ARHGAP20: variants seen among roughly 807,000 people sequenced by gnomAD.
ARHGAP20 encodes the protein rho GTPase-activating protein 20.
ARHGAP20 carries 34 observed loss-of-function variants against 73.7 expected under a neutral mutation model. The observed-to-expected ratio is 0.46, with a 90% CI of 0.35 to 0.61. The LOEUF is 0.61. Among genes scored for constraint, ARHGAP20 ranks in the 20% least tolerant of loss-of-function variants. The probability of loss-of-function intolerance (pLI) is 0.00; values close to 1 mark genes in which losing one functional copy is unlikely to be tolerated. For synonymous variants in ARHGAP20, 523 were observed against 518.2 expected (o/e 1.01, Z -0.13); for missense variants, 1,314 against 1,420.9 (o/e 0.92, Z 1.21).
At chr11:110,690,970 A>C in intron 1 of ARHGAP20, 1 of 1,506,170 alleles carries the variant, frequency 6.6e-7, no homozygotes, top group Non-Finnish European at 8.9e-7. Context: ...GACATGGATT[A>C]CCTTATTTAT....
intron 1 of ARHGAP20, among the ~76,000 whole-genome samples, chr11:110,711,435 C>A (rs1023610020): frequency 7.9e-6 from 1 of 127,372 alleles, no homozygotes; most frequent in Admixed American, 9.5e-5. Context: ...CTGCTCGGTT[C>A]TAGGCCCAGC....
chr11:110,609,168 T>TCCC, intron 7 of ARHGAP20, 118 bp from the exon 8 acceptor site: 1 of 811,714 alleles, frequency 1.2e-6, no homozygotes, highest in Non-Finnish European at 2.0e-6. Flanking sequence ...CAGTGATAGT[T>TCCC]AGAGATCCAT....
chr11:110,621,946 C>T (rs780443317), intron 4 of ARHGAP20, among the ~76,000 whole-genome samples: 18 of 152,176 alleles, frequency 1.2e-4, no homozygotes, highest in Non-Finnish European at 2.5e-4. Flanking sequence ...TGATGAGTTG[C>T]GGCTCAGTTC....
At chr11:110,710,284 G>A (rs2135163151) in intron 1 of ARHGAP20, among the ~76,000 whole-genome samples, 1 of 152,238 alleles carries the variant, frequency 6.6e-6, no homozygotes, top group African/African-American at 2.4e-5. Context: ...CATAACAAAC[G>A]ACAGCATCTT....
intron 2 of ARHGAP20, among the ~76,000 whole-genome samples, chr11:110,631,419 G>C (rs1003181478): frequency 1.3e-5 from 2 of 152,168 alleles, no homozygotes; most frequent in African/African-American, 4.8e-5. Flanking sequence ...ACTGCAGGCT[G>C]AGACCTGTCA....
At chr11:110,684,838 T>C (rs1219249725) in intron 2 of ARHGAP20, among the ~76,000 whole-genome samples, 1 of 151,584 alleles carries the variant, frequency 6.6e-6, no homozygotes, top group Non-Finnish European at 1.5e-5. Context: ...AACCCAATAC[T>C]GTATGTTCTC....
intron 2 of ARHGAP20, among the ~76,000 whole-genome samples, chr11:110,680,977 T>C (rs1020313679): frequency 7.9e-5 from 12 of 152,150 alleles, no homozygotes; most frequent in African/African-American, 2.2e-4. Flanking sequence ...CTTTGAAAAA[T>C]GTTCCTTGCA....
In ARHGAP20 at chr11:110,609,344, G is replaced by T. The variant is rs548401105; in HGVS notation, c.709-294C>A. On this transcript the variant is annotated intron_variant, in intron 7 of 14. Transcript: ENST00000683387. The stretch of plus-strand genomic sequence containing the variant: ...TCCCTCCACTTCTCAGAGAATATTG[G>T]GCTTAACCTCCAACATGCCCCTGCA... Among the ~76,000 whole-genome samples the T allele has an allele frequency of 2.6e-5, 4 of 152,130 alleles. No homozygotes were observed. In the East Asian group the frequency reaches 7.7e-4, roughly 29 times the overall value.
In ARHGAP20 at chr11:110,691,442, C is replaced by T. The variant is rs559591289; in HGVS notation, c.106-813G>A. The stretch of plus-strand genomic sequence containing the variant: ...TCTTCTCACCCTATATCTCTATACC[C>T]TTTCATCCCATATCCCTCTCACCCT... On this transcript the variant is annotated intron_variant, in intron 1 of 14. Transcript: ENST00000683387. 2.0e-5 allele frequency among the ~76,000 whole-genome samples: 3 copies of T among 152,286 alleles called. No homozygotes were observed. The South Asian group carries it at 6.2e-4, about 32-fold the overall frequency.
intron 2 of ARHGAP20, among the ~76,000 whole-genome samples, chr11:110,648,254 A>AAT (rs562850481): frequency 2.4e-5 from 2 of 81,874 alleles, no homozygotes; most frequent in Admixed American, 1.2e-4. Context: ...TATATATGTA[A>AAT]ATATATATAT....
rs1454949321 is a variant in ARHGAP20 at position 110,581,016 on chromosome 11, A to C, written c.1930T>G (p.Ser644Ala). 1.2e-6 allele frequency: 2 copies of C among 1,614,046 alleles called. No individual in the cohort carries two copies. The highest frequency in any genetic ancestry group is 2.2e-5 in the East Asian group (1 of 44,888). Residue 644 changes from serine to alanine, a missense_variant, in exon 15 of 15, where the codon TCT becomes GCT. By Grantham distance (99) the Ser-to-Ala change is moderately conservative. Coordinates refer to ENST00000683387, the MANE Select transcript of ARHGAP20 (RefSeq NM_001384657.1). ...LTLSDFDLAHSKDEDVQMKRP... is the reference protein window; with the variant it reads ...LTLSDFDLAHAKDEDVQMKRP... ...TTCATTTGAACATCTTCATCTTTAGAATGGGCCAAGTCAAAGTCGCTTAGG... is the reference window on the plus strand; with the variant it reads ...TTCATTTGAACATCTTCATCTTTAGCATGGGCCAAGTCAAAGTCGCTTAGG...
chr11:110,677,831 C>T (rs1481220583), intron 2 of ARHGAP20, among the ~76,000 whole-genome samples: 1 of 152,006 alleles, frequency 6.6e-6, no homozygotes, highest in Non-Finnish European at 1.5e-5. Flanking sequence ...GATGGTTCCT[C>T]AAAAGATTAG....
At chr11:110,710,616 CTCCA>C (rs1950630809) in intron 1 of ARHGAP20, among the ~76,000 whole-genome samples, 1 of 152,204 alleles carries the variant, frequency 6.6e-6, no homozygotes, top group African/African-American at 2.4e-5. Context: ...CACACACTCC[CTCCA>C]TCTCCGAAGG....
chr11:110,608,887 G>A, intron 8 of ARHGAP20, 97 bp downstream of exon 8: 2 of 948,254 alleles, frequency 2.1e-6, no homozygotes, highest in South Asian at 3.2e-5. Context: ...ATATTTAATA[G>A]TATTTAAGCT....
intron 6 of ARHGAP20, among the ~76,000 whole-genome samples, chr11:110,612,713 T>A (rs1948397133): frequency 6.6e-6 from 1 of 152,238 alleles, no homozygotes; most frequent in Non-Finnish European, 1.5e-5. Context: ...TCATTATTTA[T>A]CCTTCCATTA....
intron 2 of ARHGAP20, among the ~76,000 whole-genome samples, chr11:110,676,018 T>G (rs192998755): frequency 4.3e-4 from 65 of 152,272 alleles, no homozygotes; most frequent in African/African-American, 1.4e-3. Context: ...TCACAACATT[T>G]TTGTAAGGAA....
intron 1 of ARHGAP20, among the ~76,000 whole-genome samples, chr11:110,703,352 G>GGC (rs1024269294): frequency 8.6e-5 from 13 of 151,970 alleles, no homozygotes; most frequent in African/African-American, 2.9e-4. Context: ...CAGAAGAATG[G>GGC]GCACTAGGCT....
rs77463873 is a variant in ARHGAP20, at chr11:110,617,824, C to A, written c.504-2230G>T. The stretch of plus-strand genomic sequence containing the variant: ...TCTGCGTTTTATAAATACTTAAACC[C>A]ATTAAAAAGACAGTAAGATCCAGGA... On this transcript the variant is annotated intron_variant, in intron 4 of 14. Coordinates refer to ENST00000683387, the MANE Select transcript of ARHGAP20 (RefSeq NM_001384657.1). Among the ~76,000 whole-genome samples, 591 of 152,092 alleles carry A rather than the reference C, an allele frequency of 3.9e-3. 9 individuals carry two copies. Among genetic ancestry groups the A allele is most frequent in the African/African-American group, 0.013 (522 of 41,466 alleles).
At position 110,586,250 on chromosome 11, in the gene ARHGAP20, C is replaced by A; in HGVS notation, c.1381G>T (p.Gly461Ter). 6.4e-7 allele frequency: 1 copy of A among 1,560,912 alleles called. No homozygotes were observed. Among genetic ancestry groups the A allele is most frequent in the Non-Finnish European group, 8.7e-7 (1 of 1,152,784 alleles). Reference protein sequence around the residue: ...YDHWVSVMDQGNDEEKINTVQ... With the variant: ...YDHWVSVMDQ ...GTATTTATTTTCTCTTCATCATTTCCTTGATCCATTACAGAGACCCAGTGA... is the reference window on the plus strand; with the variant it reads ...GTATTTATTTTCTCTTCATCATTTCATTGATCCATTACAGAGACCCAGTGA... The change falls in exon 12 of 15, where the codon GGA (glycine) becomes TGA (stop). Residue 461 changes from glycine (G) to a stop codon, truncating the protein, a stop_gained. Transcript: ENST00000683387. LOFTEE classifies it high-confidence loss of function.
Sources: gnomAD v4.1 joint callset for allele counts (sites outside exome capture counted in the v4.1 genomes callset) on GRCh38, gnomAD v4.1.1 for gene constraint, MANE v1.5 for transcripts, NCBI Gene and HGNC (gene_info 2026-07-23, HGNC 2026-07-21) for gene names.